SLC28A1: variants seen among roughly 807,000 people sequenced by gnomAD.
SLC28A1 encodes solute carrier family 28 member 1.
SLC28A1 carries 64 observed loss-of-function variants against 74.8 expected under a neutral mutation model. That is an observed-to-expected ratio of 0.86 (90% confidence interval 0.70 to 1.05). The LOEUF is 1.05. Among genes scored for constraint, SLC28A1 ranks in the 50% least tolerant of loss-of-function variants. SLC28A1 has a pLI of 0.00. For synonymous variants in SLC28A1, 359 were observed against 335.0 expected (o/e 1.07, Z -0.78); for missense variants, 828 against 822.8 (o/e 1.01, Z -0.08).
At chr15:84,957,592 T>C in the SLC28A1 span, among the ~76,000 whole-genome samples, 11,863 of 152,260 alleles carry the variant, frequency 0.078, 562 homozygotes, top group Admixed American at 0.1. Flanking sequence ...TCTGATTGAA[T>C]TGTTTTGGCA....
chr15:84,974,243 C>T, the SLC28A1 span, among the ~76,000 whole-genome samples: 3 of 152,186 alleles, frequency 2.0e-5, no homozygotes, highest in Non-Finnish European at 4.4e-5. Context: ...CTCAGTTGCT[C>T]TGAGGTAGAT....
chr15:84,890,736 G>A (rs1412038418), intron 5 of SLC28A1, among the ~76,000 whole-genome samples: 1 of 152,218 alleles, frequency 6.6e-6, no homozygotes, highest in South Asian at 2.1e-4. Flanking sequence ...CATCAGTAAG[G>A]GAGGCGGAAG....
chr15:84,946,113 T>TG (rs1555458478), downstream of SLC28A1, among the ~76,000 whole-genome samples: 1 of 15,494 alleles, frequency 6.5e-5, no homozygotes, highest in African/African-American at 2.4e-4. Context: ...TATATATATA[T>TG]TTTTTTTTTT....
At chr15:84,960,143 G>A in the SLC28A1 span, among the ~76,000 whole-genome samples, 12 of 151,330 alleles carry the variant, frequency 7.9e-5, no homozygotes, top group African/African-American at 2.4e-4. Context: ...AGAGGGAGGA[G>A]GTGGTGCTGA....
intron 15 of SLC28A1, among the ~76,000 whole-genome samples, chr15:84,940,134 G>C (rs950825515): frequency 1.3e-5 from 2 of 152,110 alleles, no homozygotes; most frequent in East Asian, 1.9e-4. Context: ...GGCTCCAGTG[G>C]TGTTTAGTTA....
At chr15:84,899,891 C>CAGAA (rs146927149) in intron 6 of SLC28A1, among the ~76,000 whole-genome samples, 45,232 of 137,000 alleles carry the variant, frequency 0.33, 7,807 homozygotes, top group South Asian at 0.51. Context: ...GATACTAAGG[C>CAGAA]AGAAAGAAAG....
chr15:84,889,685 CTTCCTTCT>C (rs1258416608), intron 4 of SLC28A1, among the ~76,000 whole-genome samples: 2,155 of 88,152 alleles, frequency 0.024, 66 homozygotes, highest in African/African-American at 0.066. Context: ...TCTTTCCTTC[CTTCCTTCT>C]TTCCTTCCTT....
At chr15:84,911,146 G>A (rs1441127563) in intron 9 of SLC28A1, among the ~76,000 whole-genome samples, 1 of 152,220 alleles carries the variant, frequency 6.6e-6, no homozygotes, top group African/African-American at 2.4e-5. Flanking sequence ...GCCCACCACT[G>A]GCCCGCGTCT....
chr15:84,952,865 T>TA, the SLC28A1 span, among the ~76,000 whole-genome samples: 4 of 151,882 alleles, frequency 2.6e-5, no homozygotes, highest in Non-Finnish European at 2.9e-5. Context: ...TCTCAAAAAA[T>TA]AAAAAAAATT....
intron 15 of SLC28A1, among the ~76,000 whole-genome samples, chr15:84,937,142 T>C (rs1051015417): frequency 6.6e-6 from 1 of 150,380 alleles, no homozygotes; most frequent in Non-Finnish European, 1.5e-5. Context: ...GTTTTTTTGT[T>C]TTTTTTTTTA....
chr15:84,903,087 T>C (rs1008546656), intron 6 of SLC28A1, among the ~76,000 whole-genome samples: 1 of 152,180 alleles, frequency 6.6e-6, no homozygotes, highest in Admixed American at 6.5e-5. Flanking sequence ...TAAAGAGAGG[T>C]ACAGTTGGCA....
At chr15:84,922,313 G>A (rs994909117) in intron 11 of SLC28A1, among the ~76,000 whole-genome samples, 5 of 152,160 alleles carry the variant, frequency 3.3e-5, no homozygotes, top group African/African-American at 1.2e-4. Flanking sequence ...ACATTAAGAC[G>A]CTAAGTCCAA....
intron 18 of SLC28A1, 81 bp from the exon 19 acceptor site, chr15:84,945,044 T>C: frequency 7.7e-7 from 1 of 1,294,982 alleles, no homozygotes; most frequent in Admixed American, 1.7e-5. Flanking sequence ...CTTGAAACAG[T>C]GTTCCCGGTG....
Position 84,945,185 on chromosome 15 carries a change from G to T in SLC28A1, c.1935G>T (p.Thr645=), listed in dbSNP as rs1010581813. The change falls in exon 19 of 19, where the codon ACG becomes ACT. Residue 645 remains threonine (T), a synonymous_variant. Transcript: ENST00000394573. ...ACTGCTGTCGGTTTTACAACCACAC[G>T]ATCTGTGCACAGTGAGGACAGAACA... ...LDNCCRFYNH[T]ICAQ The T allele has an allele frequency of 6.2e-7, 1 of 1,613,834 alleles. No homozygotes were observed.
intron 12 of SLC28A1, among the ~76,000 whole-genome samples, chr15:84,928,376 C>G (rs1045705822): frequency 2.6e-5 from 4 of 151,808 alleles, no homozygotes; most frequent in Admixed American, 6.6e-5. Context: ...TTGCCCCCAC[C>G]TGGCTCATGA....
Position 84,944,648 on chromosome 15 carries a change from G to T in SLC28A1, c.1746G>T (p.Val582=), listed in dbSNP as rs1390200741. The change falls in exon 17 of 19, where the codon GTG becomes GTT. Residue 582 remains valine, a synonymous_variant. Coordinates refer to ENST00000394573, the MANE Select transcript of SLC28A1 (RefSeq NM_004213.5). Reference sequence around the variant, plus strand: ...TCACGGGAGCCTGTGTGTCCCTGGTGAACGCCTGTATGGCAGGTGAGTGCA... The same window carrying T: ...TCACGGGAGCCTGTGTGTCCCTGGTTAACGCCTGTATGGCAGGTGAGTGCA... The part of the protein sequence containing the change: ...ALFTGACVSL[V]NACMAGILYM... 6.2e-7 allele frequency: 1 copy of T among 1,613,698 alleles called. No individual in the cohort carries two copies. Among genetic ancestry groups the T allele is most frequent in the South Asian group, 1.1e-5 (1 of 91,052 alleles).
chr15:84,923,812 A>G (rs945130716), intron 11 of SLC28A1, among the ~76,000 whole-genome samples, 173 bp from the exon 12 acceptor site: 3 of 152,164 alleles, frequency 2.0e-5, no homozygotes, highest in African/African-American at 7.2e-5. Context: ...GTCCTTCTGT[A>G]GAGGTAGGCA....
chr15:84,920,794 T>G (rs1043676840), intron 10 of SLC28A1, among the ~76,000 whole-genome samples, 195 bp from the exon 11 acceptor site: 1 of 151,914 alleles, frequency 6.6e-6, no homozygotes, highest in African/African-American at 2.4e-5. Flanking sequence ...ATGAATGGCC[T>G]TGGGAAGGGG....
intron 9 of SLC28A1, among the ~76,000 whole-genome samples, chr15:84,913,444 G>A (rs1242957092): frequency 6.6e-6 from 1 of 152,210 alleles, no homozygotes; most frequent in African/African-American, 2.4e-5. Flanking sequence ...AGGTGATGAA[G>A]TTTGCTCAGA....
Sources: allele counts gnomAD v4.1 joint callset (sites outside exome capture counted in the v4.1 genomes callset), GRCh38; gene constraint gnomAD v4.1.1; transcripts MANE v1.5; gene names NCBI Gene and HGNC (gene_info 2026-07-23, HGNC 2026-07-21).